The following RFX4 variants were observed in gnomAD, a reference collection of about 807,000 sequenced individuals.
RFX4 encodes transcription factor RFX4.
Under a neutral mutation model 95.0 loss-of-function variants are expected in RFX4, and 10 were observed. The ratio of observed to expected loss-of-function variants is 0.11; its 90% confidence interval spans 0.06 to 0.18. The LOEUF (loss-of-function observed/expected upper bound fraction) is 0.18, where lower values mean the gene tolerates loss of function less well. Ranked by LOEUF, RFX4 falls within the 10% of genes least tolerant of loss-of-function variation. The probability of loss-of-function intolerance (pLI) is 1.00; values close to 1 mark genes in which losing one functional copy is unlikely to be tolerated. For synonymous variants in RFX4, 321 were observed against 340.7 expected (o/e 0.94, Z 0.64); for missense variants, 640 against 922.0 (o/e 0.69, Z 3.96).
At chr12:106,630,552 G>T (rs2040398281) in intron 2 of RFX4, among the ~76,000 whole-genome samples, 1 of 152,196 alleles carries the variant, frequency 6.6e-6, no homozygotes, top group South Asian at 2.1e-4. Flanking sequence ...CTTTGCAGGG[G>T]CTGGAAACGA....
At chr12:106,719,312 A>T (rs1005588137) in intron 11 of RFX4, among the ~76,000 whole-genome samples, 4 of 152,192 alleles carry the variant, frequency 2.6e-5, no homozygotes, top group African/African-American at 9.7e-5. Context: ...TGCTTGCCTG[A>T]TACAGTTGTG....
chr12:106,709,315 C>A lies in RFX4; in HGVS notation c.834-15C>A. ...AACATGTGCAGCACTTAAAACTCAT[C>A]GTTTCTTTTTCTAGCTTAACTCAGG... is the stretch of plus-strand genomic sequence containing the variant. On this transcript the variant is annotated splice_polypyrimidine_tract_variant and intron_variant, in intron 8 of 17. Transcript: ENST00000392842. 2 of 1,607,976 alleles carry A rather than the reference C, an allele frequency of 1.2e-6. No homozygotes were observed. The highest frequency in any genetic ancestry group is 1.1e-5 in the South Asian group (1 of 90,722).
At chr12:106,736,649 C>A (rs1156934030) in intron 15 of RFX4, among the ~76,000 whole-genome samples, 1 of 152,154 alleles carries the variant, frequency 6.6e-6, no homozygotes, top group African/African-American at 2.4e-5. Context: ...TGTAGAATAG[C>A]ATGTACCCAG....
intron 3 of RFX4, among the ~76,000 whole-genome samples, chr12:106,649,423 G>A (rs1421761894): frequency 6.6e-6 from 1 of 152,168 alleles, no homozygotes; most frequent in Non-Finnish European, 1.5e-5. Context: ...AAGCCACCTA[G>A]TTACTTTGAG....
At chr12:106,713,033 C>T (rs1177403346) in intron 10 of RFX4, among the ~76,000 whole-genome samples, 5 of 152,276 alleles carry the variant, frequency 3.3e-5, no homozygotes, top group Admixed American at 6.5e-5. Flanking sequence ...CTCCACCTTC[C>T]GCACAAAAAC....
chr12:106,721,420 A>G (rs1042386376), intron 13 of RFX4, among the ~76,000 whole-genome samples: 3 of 152,132 alleles, frequency 2.0e-5, no homozygotes, highest in African/African-American at 7.2e-5. Flanking sequence ...AGATATCCCC[A>G]CCTCAAGTCT....
chr12:106,608,933 T>C (rs2039897951), intron 2 of RFX4, 50 bp downstream of exon 2: 3 of 1,537,906 alleles, frequency 2.0e-6, no homozygotes, highest in Non-Finnish European at 2.7e-6. Context: ...ATGGCCAATG[T>C]CCTGATGGGA....
At chr12:106,615,773 A>G (rs972492043) in intron 2 of RFX4, among the ~76,000 whole-genome samples, 1 of 152,074 alleles carries the variant, frequency 6.6e-6, no homozygotes, top group African/African-American at 2.4e-5. Flanking sequence ...GTTTTTCCTA[A>G]TTGTTAGTTG....
intron 1 of RFX4, among the ~76,000 whole-genome samples, chr12:106,592,058 G>T (rs2039555415): frequency 6.6e-6 from 1 of 152,142 alleles, no homozygotes; most frequent in African/African-American, 2.4e-5. Flanking sequence ...AATTCAGTAA[G>T]ATTGCACGTG....
intron 1 of RFX4, chr12:106,601,372 A>G: frequency 6.4e-7 from 1 of 1,562,184 alleles, no homozygotes. Flanking sequence ...CAGGGACAGG[A>G]GACTGGGGTG....
Position 106,599,184 on chromosome 12 carries a change from G to GT in RFX4, c.44-9600dup, listed in dbSNP as rs113106700. ...CGTTCTTTTTTTTTTCCTCCTCGTT[G>GT]TTTTTTTTTTTTTCTTGTACATTGC... is the stretch of plus-strand genomic sequence containing the variant. On this transcript the variant is annotated intron_variant, in intron 1 of 17. Transcript: ENST00000392842. Among the ~76,000 whole-genome samples, 216 of 137,634 alleles carry GT rather than the reference G, an allele frequency of 1.6e-3. 1 individual carries two copies. Among genetic ancestry groups the GT allele is most frequent in the Middle Eastern group, 3.9e-3 (1 of 256 alleles). The allele number at this position is 137,634 out of a possible 152,430, so 90.3% of individuals were successfully genotyped here.
intron 2 of RFX4, among the ~76,000 whole-genome samples, chr12:106,624,457 T>G (rs1360854673): frequency 2.0e-5 from 3 of 152,166 alleles, no homozygotes; most frequent in Non-Finnish European, 4.4e-5. Context: ...TCCGAGCAGC[T>G]GGGACTACAG....
chr12:106,684,682 C>T (rs2041603269), intron 5 of RFX4: 2 of 1,460,058 alleles, frequency 1.4e-6, no homozygotes, highest in Non-Finnish European at 1.8e-6. Context: ...GAACCATGCT[C>T]CTCCCCCACC....
In RFX4 at chr12:106,720,243, CTCTTT is replaced by C. The variant is rs2042370688; in HGVS notation, c.1233+191_1233+195del. 6.6e-6 allele frequency among the ~76,000 whole-genome samples: 1 copy of C among 152,236 alleles called. No homozygotes were observed. Among genetic ancestry groups the C allele is most frequent in the African/African-American group, 2.4e-5 (1 of 41,462 alleles). On this transcript the variant is annotated intron_variant, in intron 12 of 17. Transcript: ENST00000392842. This position sits in a 1 kb window ranked among gnomAD's most constrained non-coding sequence, Gnocchi z 4.2. ...ATCCCTGATTCAACCAGGTCAGCAT[CTCTTT>C]TATCTGCTCTATACACTGAGTCTTG...
chr12:106,655,794 C>A (rs1042679629), intron 4 of RFX4, among the ~76,000 whole-genome samples: 1 of 152,182 alleles, frequency 6.6e-6, no homozygotes, highest in African/African-American at 2.4e-5. Context: ...GAGATGATGT[C>A]AGTGGATGAT....
chr12:106,618,572 T>G (rs2040120445), intron 2 of RFX4, among the ~76,000 whole-genome samples: 1 of 152,034 alleles, frequency 6.6e-6, no homozygotes, highest in East Asian at 1.9e-4. Flanking sequence ...GCTACACCAG[T>G]TTTCTTTATA....
At chr12:106,662,003 T>A (rs1021718472) in intron 4 of RFX4, among the ~76,000 whole-genome samples, 6 of 152,252 alleles carry the variant, frequency 3.9e-5, no homozygotes, top group African/African-American at 1.4e-4. Flanking sequence ...TTGGCAATTA[T>A]GAATACAGCT....
intron 4 of RFX4, among the ~76,000 whole-genome samples, chr12:106,676,798 G>A (rs1019989240): frequency 6.6e-6 from 1 of 152,188 alleles, no homozygotes; most frequent in Non-Finnish European, 1.5e-5. Context: ...TGATGAGAAC[G>A]AGAAATCATT....
At chr12:106,692,742 T>C (rs1003242640) in intron 7 of RFX4, among the ~76,000 whole-genome samples, 4 of 152,184 alleles carry the variant, frequency 2.6e-5, no homozygotes, top group African/African-American at 9.7e-5. Flanking sequence ...TAAGAACTTA[T>C]CAGAACTCTC....
Sources: allele counts gnomAD v4.1 joint callset (sites outside exome capture counted in the v4.1 genomes callset), GRCh38; gene constraint gnomAD v4.1.1; non-coding constraint Gnocchi (gnomAD v3.1); transcripts MANE v1.5; gene names NCBI Gene and HGNC (gene_info 2026-07-23, HGNC 2026-07-21).